USP43: variants seen among roughly 807,000 people sequenced by gnomAD.
USP43 encodes ubiquitin carboxyl-terminal hydrolase 43.
In USP43, 33 loss-of-function variants were observed where a neutral mutation model predicts 90.7. The observed-to-expected ratio is 0.36, with a 90% confidence interval of 0.28 to 0.49. USP43 has a LOEUF of 0.49. Among genes scored for constraint, USP43 ranks in the 20% least tolerant of loss-of-function variants. The probability of loss-of-function intolerance (pLI) is 0.98; values close to 1 mark genes in which losing one functional copy is unlikely to be tolerated. For missense variants in USP43, 1,274 were observed against 1,476.4 expected (o/e 0.86, Z 2.25); for synonymous variants, 598 against 615.8 (o/e 0.97, Z 0.43).
intron 1 of USP43, among the ~76,000 whole-genome samples, chr17:9,651,704 A>G (rs1048214809): frequency 6.6e-6 from 1 of 152,222 alleles, no homozygotes; most frequent in African/African-American, 2.4e-5. Flanking sequence ...GTGCTTAAGC[A>G]TCAATTTTAG....
chr17:9,645,598 G>C lies in USP43; in HGVS notation c.-35G>C. The C allele has an allele frequency of 8.5e-7, 1 of 1,182,938 alleles. No homozygotes were observed. The highest frequency in any genetic ancestry group is 1.0e-6 in the Non-Finnish European group (1 of 957,030). 73.3% of individuals were successfully genotyped at this position (1,182,938 alleles called of 1,614,324 possible). A position where few individuals can be genotyped will look rare whatever the true frequency, so the allele number is the denominator to read the frequency against. On this transcript the variant is annotated 5_prime_UTR_variant, in exon 1 of 15. Transcript: ENST00000285199. This position sits in a 1 kb window ranked among gnomAD's most constrained non-coding sequence, Gnocchi z 6.8. The stretch of plus-strand genomic sequence containing the variant: ...TGGCCGCTCGTCCGCCTCGCGCCCG[G>C]GGGCTCCGCGCCTGGAGCTGCGCCG...
chr17:9,723,730 C>T (rs559131458), intron 14 of USP43, among the ~76,000 whole-genome samples: 20 of 151,396 alleles, frequency 1.3e-4, no homozygotes, highest in African/African-American at 4.4e-4. Flanking sequence ...ATTACAGGTG[C>T]GCACCACCAC....
At chr17:9,653,801 G>A (rs1241684903) in intron 1 of USP43, among the ~76,000 whole-genome samples, 3 of 152,166 alleles carry the variant, frequency 2.0e-5, no homozygotes, top group Non-Finnish European at 4.4e-5. Flanking sequence ...TGAGCTATAG[G>A]AAAATTGGTC....
Position 9,710,085 on chromosome 17 carries a change from C to T in USP43, c.2141C>T (p.Pro714Leu), listed in dbSNP as rs1916098732. 1 of 1,536,208 alleles carries T rather than the reference C, an allele frequency of 6.5e-7. No homozygotes were observed. Among genetic ancestry groups the T allele is most frequent in the African/African-American group, 1.4e-5 (1 of 71,462 alleles). ...ILFYQKRNSI[P>L]PWSASSSMRG... ...TTCTATCAGAAGCGGAACAGCATCC[C>T]TCCCTGGTCAGCCAGCAGCTCCATG... Residue 714 changes from proline to leucine, a missense_variant, in exon 13 of 15, where the codon CCT becomes CTT. Transcript: ENST00000285199.
intron 12 of USP43, among the ~76,000 whole-genome samples, chr17:9,707,220 G>A (rs1344819123): frequency 3.3e-5 from 5 of 152,110 alleles, no homozygotes; most frequent in Non-Finnish European, 5.9e-5. Flanking sequence ...ATCCATTTAC[G>A]TACGCGCACA....
chr17:9,700,008 A>G (rs957899588), intron 9 of USP43, among the ~76,000 whole-genome samples, 164 bp from the exon 10 acceptor site: 3 of 152,222 alleles, frequency 2.0e-5, no homozygotes, highest in Non-Finnish European at 4.4e-5. Context: ...AGCCTTCAGC[A>G]GACTTAGCAG....
At chr17:9,660,913 G>A (rs1228555658) in intron 2 of USP43, among the ~76,000 whole-genome samples, 1 of 152,238 alleles carries the variant, frequency 6.6e-6, no homozygotes, top group Non-Finnish European at 1.5e-5. Flanking sequence ...AGGCCCGGCT[G>A]TGTACGCTTG....
In USP43 at chr17:9,645,553, A is replaced by C; in HGVS notation, c.-80A>C. On this transcript the variant is annotated 5_prime_UTR_variant, in exon 1 of 15. Coordinates refer to ENST00000285199, the MANE Select transcript of USP43 (RefSeq NM_153210.5). This position sits in a 1 kb window ranked among gnomAD's most constrained non-coding sequence, Gnocchi z 6.8. ...GCAGGTAGCCGGCACCAGGAGCCTT[A>C]GAGAAGCTGTAGGGCCTGCTGGCCG... 1.7e-5 allele frequency: 19 copies of C among 1,135,938 alleles called. No homozygotes were observed. The highest frequency in any genetic ancestry group is 1.8e-5 in the Non-Finnish European group (17 of 922,868). 70.4% of individuals were successfully genotyped at this position (1,135,938 alleles called of 1,614,324 possible). A position where few individuals can be genotyped will look rare whatever the true frequency, so the allele number is the denominator to read the frequency against.
rs770921845 is a variant in USP43 at position 9,728,186 on chromosome 17, T to G, written c.2568T>G (p.Thr856=). Residue 856 remains threonine (T), a synonymous_variant, in exon 15 of 15, where the codon ACT becomes ACG. Transcript: ENST00000285199. This position sits in a 1 kb window ranked among gnomAD's most constrained non-coding sequence, Gnocchi z 6.2. Reference sequence around the variant, plus strand: ...CCATTGTGTCGCTGTTGACGGGCACTGCGGGTGAGGATGAGAAGTCAGCAT... The same window carrying G: ...CCATTGTGTCGCTGTTGACGGGCACGGCGGGTGAGGATGAGAAGTCAGCAT... ...SQSIVSLLTG[T]AGEDEKSASP... is the part of the protein sequence containing the mutation. 3.7e-6 allele frequency: 6 copies of G among 1,613,800 alleles called. No homozygotes were observed. In the Admixed American group the frequency reaches 1.0e-4, roughly 27 times the overall value.
intron 1 of USP43, among the ~76,000 whole-genome samples, chr17:9,653,054 A>G (rs1309345541): frequency 6.6e-6 from 1 of 152,240 alleles, no homozygotes; most frequent in Non-Finnish European, 1.5e-5. Context: ...TAACTTTGAT[A>G]TATACAGACA....
chr17:9,670,308 G>A (rs1236807993), intron 3 of USP43, among the ~76,000 whole-genome samples: 1 of 152,132 alleles, frequency 6.6e-6, no homozygotes, highest in Non-Finnish European at 1.5e-5. Flanking sequence ...CAAAGTGCTG[G>A]GATTACAGGC....
chr17:9,684,580 A>G (rs985465500), intron 7 of USP43, among the ~76,000 whole-genome samples: 1 of 151,768 alleles, frequency 6.6e-6, no homozygotes, highest in Admixed American at 6.6e-5. Flanking sequence ...CCTGACCAAT[A>G]TGGAGAAACC....
At chr17:9,697,042 C>T (rs957215160) in intron 9 of USP43, among the ~76,000 whole-genome samples, 1 of 152,218 alleles carries the variant, frequency 6.6e-6, no homozygotes, top group African/African-American at 2.4e-5. Context: ...CATGGTGAAA[C>T]CGCATTTCTA....
intron 2 of USP43, among the ~76,000 whole-genome samples, chr17:9,660,179 C>T (rs949731932): frequency 6.6e-6 from 1 of 152,124 alleles, no homozygotes; most frequent in Non-Finnish European, 1.5e-5. Flanking sequence ...GAGATGGAGT[C>T]TTGCTGTGTT....
Position 9,676,792 on chromosome 17 carries a change from C to T in USP43, c.880C>T (p.Leu294=). 6.2e-7 allele frequency: 1 copy of T among 1,613,960 alleles called. No individual in the cohort carries two copies. The highest frequency in any genetic ancestry group is 1.1e-5 in the South Asian group (1 of 91,074). Residue 294 remains leucine, a synonymous_variant, in exon 5 of 15, where the codon CTG becomes TTG. Transcript: ENST00000285199. ...CTTCCCCTCTAAGAGCCAGCGGTTC[C>T]TGCGGGTTGGCCTGGCCGTGCCGAT... ...LVFPSKSQRF[L]RVGLAVPILS...
In USP43 at chr17:9,701,230, C is replaced by T. The variant is rs779085001; in HGVS notation, c.1647C>T (p.Tyr549=). ...CCTTGGATGAATGTTTTCAGTTCTA[C>T]ACCAAGGAGGAGCAGGTCCCGCCCT... ...SCTLDECFQF[Y]TKEEQLAQDD... is the part of the protein sequence containing the mutation. Residue 549 remains tyrosine, a synonymous_variant, in exon 11 of 15, where the codon TAC becomes TAT. Transcript: ENST00000285199. This position sits in a 1 kb window ranked among gnomAD's most constrained non-coding sequence, Gnocchi z 7.2. 3 of 1,606,004 alleles carry T rather than the reference C, an allele frequency of 1.9e-6. No individual in the cohort carries two copies. The Admixed American group carries it at 5.1e-5, about 27-fold the overall frequency.
At chr17:9,667,643 C>T (rs752805819) in intron 3 of USP43, among the ~76,000 whole-genome samples, 33 of 152,044 alleles carry the variant, frequency 2.2e-4, no homozygotes, top group Non-Finnish European at 3.8e-4. Flanking sequence ...AATAGAAGTA[C>T]GAATGGGTAG....
At chr17:9,680,861 A>G (rs1015214633) in intron 6 of USP43, among the ~76,000 whole-genome samples, 3 of 151,454 alleles carry the variant, frequency 2.0e-5, no homozygotes, top group African/African-American at 7.3e-5. Flanking sequence ...ACTTTTTAAC[A>G]AAATAGTTCC....
At position 9,678,138 on chromosome 17, in the gene USP43, C is replaced by G. The variant is rs145595098; in HGVS notation, c.969+1257C>G. 7.9e-5 allele frequency among the ~76,000 whole-genome samples: 12 copies of G among 151,980 alleles called. No individual in the cohort carries two copies. In the East Asian group the frequency reaches 1.5e-3, roughly 20 times the overall value. On this transcript the variant is annotated intron_variant, in intron 5 of 14. Coordinates refer to ENST00000285199, the MANE Select transcript of USP43 (RefSeq NM_153210.5). ...AAAGGGAGAAGTCTATGAGAGGGAG[C>G]GTTTGAATAATTAAGAGTGTGAAAA...
Sources: gnomAD v4.1 joint callset for allele counts (sites outside exome capture counted in the v4.1 genomes callset) on GRCh38, gnomAD v4.1.1 for gene constraint, Gnocchi (gnomAD v3.1) non-coding constraint, MANE v1.5 for transcripts, NCBI Gene and HGNC (gene_info 2026-07-23, HGNC 2026-07-21) for gene names.